UTP18: variants seen among roughly 807,000 people sequenced by gnomAD.
The protein encoded by UTP18 is U3 small nucleolar RNA-associated protein 18 homolog.
In UTP18, 36 loss-of-function variants were observed where a neutral mutation model predicts 61.1. The ratio of observed to expected loss-of-function variants is 0.59; its 90% CI spans 0.45 to 0.78. The LOEUF (loss-of-function observed/expected upper bound fraction) is 0.78. Ranked by LOEUF, UTP18 falls within the 30% of genes least tolerant of loss-of-function variation. UTP18 has a pLI of 0.00. For synonymous variants in UTP18, 282 were observed against 251.1 expected (o/e 1.12, Z -1.16); for missense variants, 753 against 693.9 (o/e 1.09, Z -0.96).
At chr17:51,268,811 T>C in intron 3 of UTP18, 26 bp from the exon 4 acceptor site, 1 of 1,601,952 alleles carries the variant, frequency 6.2e-7, no homozygotes, top group Non-Finnish European at 8.6e-7. Flanking sequence ...TTGCCATAAA[T>C]ATATTTTTCA....
intron 4 of UTP18, among the ~76,000 whole-genome samples, chr17:51,272,502 A>G (rs1348394750): frequency 2.6e-5 from 4 of 152,100 alleles, no homozygotes; most frequent in East Asian, 1.9e-4. Context: ...TATCTTGTCA[A>G]TATTTGCCTG....
rs768371518 is a variant in UTP18, at chr17:51,260,679, G to T, written c.95G>T (p.Gly32Val). 9 of 1,610,608 alleles carry T rather than the reference G, an allele frequency of 5.6e-6. No homozygotes were observed. In the African/African-American group the frequency reaches 8.0e-5, roughly 14 times the overall value. ...KPGMRPDWKA[G>V]AGPGGPPQKP... ...GGAATGAGGCCGGACTGGAAAGCCG[G>T]AGCGGGGCCAGGCGGGCCTCCCCAA... Residue 32 changes from glycine to valine, a missense_variant, in exon 1 of 14, where the codon GGA becomes GTA. By Grantham distance (109) the Gly-to-Val change is moderately radical. Transcript: ENST00000225298.
At chr17:51,284,536 A>G (rs1905044342) in intron 9 of UTP18, among the ~76,000 whole-genome samples, 1 of 152,180 alleles carries the variant, frequency 6.6e-6, no homozygotes, top group Non-Finnish European at 1.5e-5. Context: ...AACCTTGCCT[A>G]TTAGGTAGTC....
chr17:51,285,608 G>T (rs1905080682), intron 10 of UTP18, among the ~76,000 whole-genome samples: 1 of 152,118 alleles, frequency 6.6e-6, no homozygotes, highest in African/African-American at 2.4e-5. Flanking sequence ...GTTACCTGTG[G>T]TTAATCACAA....
chr17:51,264,687 CTTCTT>C (rs1481002402), intron 2 of UTP18, among the ~76,000 whole-genome samples: 2 of 139,474 alleles, frequency 1.4e-5, no homozygotes, highest in Non-Finnish European at 3.1e-5. Context: ...TAGTCATTGT[CTTCTT>C]TTTTTTTTTT....
At chr17:51,295,152 C>G (rs1299636364) in intron 12 of UTP18, among the ~76,000 whole-genome samples, 4 of 152,052 alleles carry the variant, frequency 2.6e-5, no homozygotes, top group African/African-American at 9.7e-5. Context: ...TGTAGGTTGC[C>G]TGTTTACTCT....
chr17:51,289,181 A>G (rs1905184985), intron 11 of UTP18, among the ~76,000 whole-genome samples: 2 of 144,450 alleles, frequency 1.4e-5, no homozygotes, highest in South Asian at 4.5e-4. Context: ...CCTTGTAAGC[A>G]GACCTTTCTG....
chr17:51,296,091 T>A (rs1905363512), intron 12 of UTP18, among the ~76,000 whole-genome samples: 1 of 152,208 alleles, frequency 6.6e-6, no homozygotes, highest in African/African-American at 2.4e-5. Context: ...GCTGTCCAGG[T>A]TCTTTTCTGT....
At chr17:51,272,633 C>G (rs1379100942) in intron 4 of UTP18, among the ~76,000 whole-genome samples, 1 of 151,890 alleles carries the variant, frequency 6.6e-6, no homozygotes, top group African/African-American at 2.4e-5. Context: ...ACTAGTAATC[C>G]CAGAACGTTT....
At chr17:51,268,383 A>G (rs948775622) in intron 3 of UTP18, among the ~76,000 whole-genome samples, 3 of 152,194 alleles carry the variant, frequency 2.0e-5, no homozygotes, top group African/African-American at 7.2e-5. Flanking sequence ...TACTTTTTCC[A>G]GAGTGAAGTG....
At chr17:51,286,978 T>TCCCCCCCCCCCCCCCCC (rs11397806) in intron 10 of UTP18, among the ~76,000 whole-genome samples, 2 of 123,468 alleles carry the variant, frequency 1.6e-5, no homozygotes, top group African/African-American at 3.6e-5. Context: ...CCCTCCCCCT[T>TCCCCCCCCCCCCCCCCC]CCCCCCCCGA....
At chr17:51,286,984 C>CCG (rs1555556365) in intron 10 of UTP18, among the ~76,000 whole-genome samples, 18 of 145,170 alleles carry the variant, frequency 1.2e-4, no homozygotes, top group African/African-American at 4.0e-4. Context: ...CCCTTCCCCC[C>CCG]CCGACCCACA....
intron 12 of UTP18, chr17:51,296,415 TGGTTTACAGTTCTACTTACTTTGAAA>T (rs1487532545): frequency 6.6e-6 from 1 of 152,226 alleles, no homozygotes; most frequent in East Asian, 1.9e-4. Context: ...GACAATAATG[TGGTTTACAGTTCTACTTACTTTGAAA>T]GGAAAACAGG....
chr17:51,261,612 C>T (rs1041879474), intron 1 of UTP18, among the ~76,000 whole-genome samples: 1 of 152,076 alleles, frequency 6.6e-6, no homozygotes, highest in Non-Finnish European at 1.5e-5. Context: ...TGCCTTTTGG[C>T]GCTTGTGTGC....
At chr17:51,275,618 C>T (rs1904693221) in intron 5 of UTP18, among the ~76,000 whole-genome samples, 1 of 152,098 alleles carries the variant, frequency 6.6e-6, no homozygotes, top group East Asian at 1.9e-4. Flanking sequence ...ATGGAAAGCA[C>T]TTTAATGATT....
Position 51,268,810 on chromosome 17 carries a change from A to G in UTP18, c.555-27A>G, listed in dbSNP as rs1904400959. On this transcript the variant is annotated intron_variant, in intron 3 of 13. Coordinates refer to ENST00000225298, the MANE Select transcript of UTP18 (RefSeq NM_016001.3). ...TATGGACATGTAGTGGTTGCCATAA[A>G]TATATTTTTCAAATATTTTTGCTTA... 5.0e-6 allele frequency: 8 copies of G among 1,603,746 alleles called. No individual in the cohort carries two copies. The African/African-American group carries it at 5.3e-5, about 11-fold the overall frequency.
Position 51,275,727 on chromosome 17 carries a change from T to G in UTP18, c.712-139T>G, listed in dbSNP as rs981276490. 2.2e-5 allele frequency: 19 copies of G among 868,870 alleles called. No homozygotes were observed. The South Asian group carries it at 2.7e-4, about 12-fold the overall frequency. The allele number at this position is 868,870 out of a possible 1,614,324, so 53.8% of individuals were successfully genotyped here. On this transcript the variant is annotated intron_variant, in intron 5 of 13. Transcript: ENST00000225298. ...TGCGGTTTTTTTGTTTTTTGTTTTT[T>G]TTTTTTGAGTTGTGTTTGGTTACCA...
In UTP18 at chr17:51,260,900, T is replaced by C; in HGVS notation, c.316T>C (p.Leu106=). The C allele has an allele frequency of 6.3e-7, 1 of 1,593,740 alleles. No homozygotes were observed. Among genetic ancestry groups the C allele is most frequent in the Non-Finnish European group, 8.5e-7 (1 of 1,171,698 alleles). ...FGDVENDEDA[L]LRRLRGPRVQ... ...CGACGTCGAGAACGACGAGGACGCG[T>C]TGCTGCGGCGTCTGCGAGGCCCGAG... The change falls in exon 1 of 14, where the codon TTG becomes CTG. Residue 106 remains leucine (L), a synonymous_variant. Transcript: ENST00000225298.
intron 2 of UTP18, among the ~76,000 whole-genome samples, chr17:51,264,686 T>C (rs926870930): frequency 1.3e-5 from 2 of 150,576 alleles, no homozygotes; most frequent in African/African-American, 4.9e-5. Context: ...TTAGTCATTG[T>C]CTTCTTTTTT....
Sources: gnomAD v4.1 joint callset for allele counts (sites outside exome capture counted in the v4.1 genomes callset) on GRCh38, gnomAD v4.1.1 for gene constraint, MANE v1.5 for transcripts, NCBI Gene and HGNC (gene_info 2026-07-23, HGNC 2026-07-21) for gene names.